Variants in BANF2 observed in about 807,000 individuals in gnomAD.
BANF2 encodes the protein barrier-to-autointegration factor-like protein.
A neutral mutation model predicts 8.0 loss-of-function variants in BANF2; 4 were observed. That is an observed-to-expected ratio of 0.50 (90% CI 0.25 to 1.14). The LOEUF is 1.14. BANF2 is among the 50% of genes most tolerant of loss of function. BANF2 has a pLI of 0.16. For synonymous variants in BANF2, 50 were observed against 40.6 expected, an observed-to-expected ratio of 1.23 and a Z score of -0.88; for missense variants, 96 against 107.5, an observed-to-expected ratio of 0.89 and a Z score of 0.47.
chr20:17,713,247 T>TA (rs1285786608), intron 1 of BANF2, among the ~76,000 whole-genome samples: 2 of 151,614 alleles, frequency 1.3e-5, no homozygotes, highest in Non-Finnish European at 2.9e-5. Context: ...GACTCCATTT[T>TA]AAAAAGAAAG....
intron 2 of BANF2, among the ~76,000 whole-genome samples, chr20:17,723,944 A>G (rs6105797): frequency 0.15 from 22,144 of 152,204 alleles, 1,650 homozygotes; most frequent in Middle Eastern, 0.28. Context: ...GCAGTGAGCC[A>G]AGATCATGCC....
intron 1 of BANF2, among the ~76,000 whole-genome samples, chr20:17,706,840 T>C (rs927868862): frequency 6.6e-6 from 1 of 152,204 alleles, no homozygotes; most frequent in Non-Finnish European, 1.5e-5. Context: ...GGATGGCATA[T>C]GTGTATCTTT....
At chr20:17,727,515 G>A (rs1055784764) in intron 3 of BANF2, among the ~76,000 whole-genome samples, 12 of 152,178 alleles carry the variant, frequency 7.9e-5, no homozygotes, top group African/African-American at 2.9e-4. Context: ...GACTAAATTT[G>A]GGGGTGAGAG....
At chr20:17,726,806 T>A (rs924767547) in intron 3 of BANF2, among the ~76,000 whole-genome samples, 1 of 152,268 alleles carries the variant, frequency 6.6e-6, no homozygotes, top group Non-Finnish European at 1.5e-5. Flanking sequence ...ATACTCATTA[T>A]TTTAAAAATG....
intron 1 of BANF2, chr20:17,712,402 G>T (rs1347035883): frequency 2.1e-5 from 7 of 339,994 alleles, no homozygotes; most frequent in Non-Finnish European, 2.9e-5. Context: ...CACTTCAGAA[G>T]TGACTGTTGT....
At chr20:17,701,138 A>G (rs2037402862) in intron 1 of BANF2, among the ~76,000 whole-genome samples, 1 of 152,146 alleles carries the variant, frequency 6.6e-6, no homozygotes, top group Admixed American at 6.5e-5. Context: ...CAAATCCAAG[A>G]CGCCAATGGT....
At chr20:17,700,268 C>T (rs772410182) in intron 1 of BANF2, among the ~76,000 whole-genome samples, 6 of 152,200 alleles carry the variant, frequency 3.9e-5, no homozygotes, top group South Asian at 2.1e-4. Flanking sequence ...TCACCATCTG[C>T]GGGAGGTGGT....
At chr20:17,707,731 C>T (rs1245589466) in intron 1 of BANF2, among the ~76,000 whole-genome samples, 1 of 151,928 alleles carries the variant, frequency 6.6e-6, no homozygotes, top group African/African-American at 2.4e-5. Context: ...AGGCATGTGC[C>T]ACCACACCCG....
chr20:17,699,202 G>A (rs1332444016), upstream of BANF2, among the ~76,000 whole-genome samples: 1 of 152,112 alleles, frequency 6.6e-6, no homozygotes, highest in Admixed American at 6.6e-5. Context: ...GTTTGCTCTT[G>A]GTTAGAACTC....
At chr20:17,697,442 A>G (rs1044276061), upstream of BANF2, among the ~76,000 whole-genome samples, 5 of 152,188 alleles carry the variant, frequency 3.3e-5, no homozygotes, top group Admixed American at 3.3e-4. Flanking sequence ...AACCAGCAGA[A>G]CACCTCCATC....
In BANF2 at chr20:17,735,799, C is replaced by T; in HGVS notation, c.261C>T (p.Ala87=). 2 of 1,613,548 alleles carry T rather than the reference C, an allele frequency of 1.2e-6. No individual in the cohort carries two copies. The highest frequency in any genetic ancestry group is 1.7e-6 in the Non-Finnish European group (2 of 1,179,864). ...QTSHCLKEWC[A]CFL ...CTCACTGCCTCAAGGAGTGGTGTGC[C>T]TGCTTCCTGTAGACACAAACCTCAT... The change falls in exon 4 of 4, where the codon GCC becomes GCT. Residue 87 remains alanine (A), a synonymous_variant. Coordinates refer to ENST00000246090, the MANE Select transcript of BANF2 (RefSeq NM_178477.5).
chr20:17,713,768 G>A (rs906323302), intron 1 of BANF2, among the ~76,000 whole-genome samples: 4 of 152,004 alleles, frequency 2.6e-5, no homozygotes, highest in African/African-American at 7.3e-5. Flanking sequence ...CTGGGAGTTC[G>A]AGACTGCAGT....
chr20:17,719,007 C>G (rs2037692729), intron 1 of BANF2, among the ~76,000 whole-genome samples: 1 of 152,188 alleles, frequency 6.6e-6, no homozygotes. Flanking sequence ...CCATAATGGA[C>G]CCAATGCTGC....
intron 3 of BANF2, among the ~76,000 whole-genome samples, chr20:17,726,658 C>A (rs1000677286): frequency 6.6e-6 from 1 of 152,178 alleles, no homozygotes; most frequent in African/African-American, 2.4e-5. Context: ...CAGATGTCTC[C>A]AAAATTCCAA....
intron 1 of BANF2, among the ~76,000 whole-genome samples, chr20:17,711,602 C>T (rs1047217362): frequency 7.9e-5 from 12 of 152,162 alleles, no homozygotes; most frequent in Non-Finnish European, 1.2e-4. Flanking sequence ...GCTCTGGAGC[C>T]GGAATGGTAC....
At chr20:17,697,796 A>G (rs199651036), upstream of BANF2, among the ~76,000 whole-genome samples, 6 of 152,218 alleles carry the variant, frequency 3.9e-5, no homozygotes, top group East Asian at 1.2e-3. Context: ...AGTGATTGCA[A>G]TGTTGGAAGT....
At chr20:17,699,909 T>C, upstream of BANF2, 1 of 873,026 alleles carries the variant, frequency 1.1e-6, no homozygotes, top group Non-Finnish European at 1.4e-6. Context: ...CGACCTGTGG[T>C]GTGACATCAC....
intron 1 of BANF2, among the ~76,000 whole-genome samples, chr20:17,719,779 T>C (rs1274263105): frequency 6.6e-6 from 1 of 152,018 alleles, no homozygotes; most frequent in Non-Finnish European, 1.5e-5. Context: ...ATAGTTGTCT[T>C]CCTATTGATG....
intron 2 of BANF2, among the ~76,000 whole-genome samples, chr20:17,724,438 GA>G (rs1414077227): frequency 6.6e-6 from 1 of 152,200 alleles, no homozygotes; most frequent in Non-Finnish European, 1.5e-5. Flanking sequence ...TCACCACCAT[GA>G]GGGGAGCCAA....
Sources: allele counts gnomAD v4.1 joint callset (sites outside exome capture counted in the v4.1 genomes callset), GRCh38; gene constraint gnomAD v4.1.1; transcripts MANE v1.5; gene names NCBI Gene and HGNC (gene_info 2026-07-23, HGNC 2026-07-21).